SGPL1: variants seen among roughly 807,000 people sequenced by gnomAD.
SGPL1 encodes SP-lyase 1.
A neutral mutation model predicts 68.9 loss-of-function variants in SGPL1; 37 were observed. The ratio of observed to expected loss-of-function variants is 0.54; its 90% CI spans 0.41 to 0.71. The LOEUF (loss-of-function observed/expected upper bound fraction) is 0.71. Ranked by LOEUF, SGPL1 falls within the 30% of genes least tolerant of loss-of-function variation. The pLI is 0.00. For missense variants in SGPL1, 551 were observed against 704.6 expected (o/e 0.78, Z 2.47); for synonymous variants, 236 against 248.5 (o/e 0.95, Z 0.47).
rs1846446063 is a variant in SGPL1 at position 70,878,849 on chromosome 10, G to A, written c.*1514G>A. ...TGGCTAAAAGGGAGCAGCACAGGGAGAGAAACAGGATAGGAAAGCAGAATG... is the reference window on the plus strand; with the variant it reads ...TGGCTAAAAGGGAGCAGCACAGGGAAAGAAACAGGATAGGAAAGCAGAATG... On this transcript the variant is annotated 3_prime_UTR_variant, in exon 15 of 15. Transcript: ENST00000373202. 2 of 152,608 alleles carry A rather than the reference G, an allele frequency of 1.3e-5. No individual in the cohort carries two copies. Among genetic ancestry groups the A allele is most frequent in the African/African-American group, 4.8e-5 (2 of 41,466 alleles). 9.5% of individuals were successfully genotyped at this position (152,608 alleles called of 1,614,324 possible).
intron 7 of SGPL1, among the ~76,000 whole-genome samples, chr10:70,861,171 A>G (rs1846045882): frequency 6.6e-6 from 1 of 152,028 alleles, no homozygotes. Context: ...ATAGTTCCAA[A>G]ATCACATTTA....
chr10:70,826,193 C>G (rs2131853427), intron 2 of SGPL1, among the ~76,000 whole-genome samples: 1 of 152,134 alleles, frequency 6.6e-6, no homozygotes, highest in South Asian at 2.1e-4. Flanking sequence ...AAAAAAATTA[C>G]AACACAGTAC....
chr10:70,857,560 C>T, intron 5 of SGPL1, 54 bp from the exon 6 acceptor site: 1 of 1,415,886 alleles, frequency 7.1e-7, no homozygotes. Context: ...TTATCAGAAC[C>T]TGTCTTCCCA....
chr10:70,845,487 T>G (rs996984022), intron 3 of SGPL1, among the ~76,000 whole-genome samples: 2 of 152,074 alleles, frequency 1.3e-5, no homozygotes, highest in Non-Finnish European at 2.9e-5. Context: ...ACTTTGAGCT[T>G]CCTAGAAGTG....
At chr10:70,833,278 A>G (rs1262866844) in intron 2 of SGPL1, among the ~76,000 whole-genome samples, 1 of 152,204 alleles carries the variant, frequency 6.6e-6, no homozygotes, top group East Asian at 1.9e-4. Flanking sequence ...TAGAAGGGAA[A>G]ATGTAGACTC....
At chr10:70,856,758 T>C (rs184698248) in intron 5 of SGPL1, among the ~76,000 whole-genome samples, 1 of 152,242 alleles carries the variant, frequency 6.6e-6, no homozygotes, top group Admixed American at 6.5e-5. Context: ...ATGCAGTTTT[T>C]AGTTGGTGTG....
chr10:70,854,579 T>A, intron 4 of SGPL1, 129 bp from the exon 5 acceptor site: 10 of 736,650 alleles, frequency 1.4e-5, no homozygotes. Flanking sequence ...CCATATATCT[T>A]TAGGAAAAAT....
At chr10:70,823,134 G>A (rs919779366) in intron 2 of SGPL1, among the ~76,000 whole-genome samples, 12 of 152,168 alleles carry the variant, frequency 7.9e-5, no homozygotes, top group East Asian at 7.7e-4. Flanking sequence ...CAAGGGGCGT[G>A]TGTGTGTCTC....
At chr10:70,860,611 A>G (rs1589467067) in intron 7 of SGPL1, 1 of 365,194 alleles carries the variant, frequency 2.7e-6, no homozygotes, top group Non-Finnish European at 5.4e-6. Flanking sequence ...ATGTACTTAC[A>G]GTATATTCTC....
chr10:70,861,973 C>T (rs1292339617), intron 7 of SGPL1, among the ~76,000 whole-genome samples: 2 of 152,248 alleles, frequency 1.3e-5, no homozygotes, highest in African/African-American at 2.4e-5. Context: ...ACGAGCGCCA[C>T]TCCCTGCTCC....
At chr10:70,826,284 TCCATTCCATTCCATTCATTC>T (rs1404987156) in intron 2 of SGPL1, among the ~76,000 whole-genome samples, 1 of 152,180 alleles carries the variant, frequency 6.6e-6, no homozygotes, top group Non-Finnish European at 1.5e-5. Context: ...CCAGTACAAT[TCCATTCCATTCCATTCATTC>T]CCATTCCATT....
chr10:70,865,547 C>T (rs961184536), intron 7 of SGPL1, among the ~76,000 whole-genome samples: 2 of 152,200 alleles, frequency 1.3e-5, no homozygotes, highest in Middle Eastern at 3.2e-3. Flanking sequence ...CTCCCCCACT[C>T]CTCCCTTAGC....
At chr10:70,872,789 C>T (rs1164429495) in intron 11 of SGPL1, among the ~76,000 whole-genome samples, 3 of 152,092 alleles carry the variant, frequency 2.0e-5, no homozygotes, top group Non-Finnish European at 2.9e-5. Flanking sequence ...ATTAGTTCCA[C>T]GTTAGTTTTA....
chr10:70,831,041 C>T (rs74140817), intron 2 of SGPL1, among the ~76,000 whole-genome samples: 9 of 152,254 alleles, frequency 5.9e-5, no homozygotes, highest in South Asian at 2.1e-4. Context: ...GGTGAAACTT[C>T]ACCTGACGGC....
chr10:70,852,126 CCCCCCTTTGGT>C (rs1845892432), intron 4 of SGPL1, among the ~76,000 whole-genome samples: 1 of 152,208 alleles, frequency 6.6e-6, no homozygotes, highest in Non-Finnish European at 1.5e-5. Flanking sequence ...CCTCCCCTGA[CCCCCCTTTGGT>C]CTTTCCCAAC....
At chr10:70,864,425 T>G (rs1846140511) in intron 7 of SGPL1, among the ~76,000 whole-genome samples, 3 of 152,226 alleles carry the variant, frequency 2.0e-5, no homozygotes, top group Admixed American at 2.0e-4. Context: ...ACCTTTTCCT[T>G]GAAGTCAGCA....
Position 70,873,605 on chromosome 10 carries a change from T to C in SGPL1, c.1298+16T>C. On this transcript the variant is annotated intron_variant, in intron 12 of 14. Coordinates refer to ENST00000373202, the MANE Select transcript of SGPL1 (RefSeq NM_003901.4). ...TCAAGTCAGAGTATGTGTGGAAGACTGGGGTTCTGCCTTGTCTATTGCTTT... is the reference window on the plus strand; with the variant it reads ...TCAAGTCAGAGTATGTGTGGAAGACCGGGGTTCTGCCTTGTCTATTGCTTT... 1 of 1,574,614 alleles carries C rather than the reference T, an allele frequency of 6.4e-7. No individual in the cohort carries two copies. The highest frequency in any genetic ancestry group is 8.7e-7 in the Non-Finnish European group (1 of 1,144,028).
chr10:70,849,630 A>G (rs1279492401), intron 3 of SGPL1, among the ~76,000 whole-genome samples: 3 of 152,240 alleles, frequency 2.0e-5, no homozygotes, highest in Non-Finnish European at 4.4e-5. Flanking sequence ...GCTAGCAGAG[A>G]TGCAAGGCAT....
At chr10:70,834,286 T>C (rs1367681913) in intron 2 of SGPL1, among the ~76,000 whole-genome samples, 1 of 152,190 alleles carries the variant, frequency 6.6e-6, no homozygotes, top group Non-Finnish European at 1.5e-5. Context: ...GGAATCATGC[T>C]TCTTGGATGA....
Sources: allele counts gnomAD v4.1 joint callset (sites outside exome capture counted in the v4.1 genomes callset), GRCh38; gene constraint gnomAD v4.1.1; transcripts MANE v1.5; gene names NCBI Gene and HGNC (gene_info 2026-07-23, HGNC 2026-07-21).